ZNF789: variants seen among roughly 807,000 people sequenced by gnomAD.
ZNF789 encodes the protein zinc finger protein 789.
Under a neutral mutation model 15.6 loss-of-function variants are expected in ZNF789, and 11 were observed. The ratio of observed to expected loss-of-function variants is 0.70; its 90% CI spans 0.44 to 1.16. The LOEUF (loss-of-function observed/expected upper bound fraction) is 1.16. Among genes scored for constraint, ZNF789 ranks in the 50% most tolerant of loss-of-function variants. The probability of loss-of-function intolerance (pLI) is 0.00; values close to 1 mark genes in which losing one functional copy is unlikely to be tolerated. For synonymous variants in ZNF789, 159 were observed against 176.0 expected (o/e 0.90, Z 0.76); for missense variants, 461 against 512.6 (o/e 0.90, Z 0.97).
Position 99,487,232 on chromosome 7 carries a change from A to G in ZNF789, c.1022A>G (p.His341Arg), listed in dbSNP as rs1053048118. 5 of 1,614,136 alleles carry G rather than the reference A, an allele frequency of 3.1e-6. No homozygotes were observed. Among genetic ancestry groups the G allele is most frequent in the African/African-American group, 1.3e-5 (1 of 74,940 alleles). ...HQQIHSKPNTHKCSECGQSFG... is the reference protein window; with the variant it reads ...HQQIHSKPNTRKCSECGQSFG... ...CAGATTCACAGTAAACCGAACACCC[A>G]TAAATGCAGTGAATGTGGACAGTCC... is the stretch of plus-strand genomic sequence containing the variant. The change falls in exon 5 of 5, where the codon CAT (histidine) becomes CGT (arginine). Residue 341 changes from histidine to arginine, a missense_variant. By Grantham distance (29) the His-to-Arg change is conservative. Transcript: ENST00000331410.
Position 99,487,522 on chromosome 7 carries a change from A to G in ZNF789, c.*34A>G. 1.3e-6 allele frequency: 2 copies of G among 1,579,570 alleles called. No individual in the cohort carries two copies. The highest frequency in any genetic ancestry group is 1.2e-5 in the South Asian group (1 of 85,826). On this transcript the variant is annotated 3_prime_UTR_variant, in exon 5 of 5. Transcript: ENST00000331410. ...GGAAAGCAGTCATTGGAGAACTAGA[A>G]CTTATAAACCTCTACTTCAAGTGTG...
chr7:99,474,023 A>T (rs1799165197), intron 1 of ZNF789, among the ~76,000 whole-genome samples: 1 of 152,192 alleles, frequency 6.6e-6, no homozygotes, highest in African/African-American at 2.4e-5. Flanking sequence ...TCAAGGGAGA[A>T]ATCAATGTAT....
intron 1 of ZNF789, among the ~76,000 whole-genome samples, chr7:99,474,324 G>T (rs1799184606): frequency 6.6e-6 from 1 of 152,214 alleles, no homozygotes; most frequent in South Asian, 2.1e-4. Flanking sequence ...GCCGGGCGCG[G>T]TGGCTCACGC....
rs748857202 is a variant in ZNF789 at position 99,486,682 on chromosome 7, C to T, written c.472C>T (p.Leu158Phe). ...DEYSRGFLQN[L>F]NLIQDQNAQT... ...ATACAGCAGGGGCTTCCTTCAAAAC[C>T]TTAACCTTATTCAAGATCAGAATGC... The change falls in exon 5 of 5, where the codon CTT (leucine) becomes TTT (phenylalanine). Residue 158 changes from leucine to phenylalanine, a missense_variant. Physicochemically the swap from Leu to Phe is conservative, Grantham distance 22 (BLOSUM62 0). Coordinates refer to ENST00000331410, the MANE Select transcript of ZNF789 (RefSeq NM_213603.3). 46 of 1,614,054 alleles carry T rather than the reference C, an allele frequency of 2.8e-5. No individual in the cohort carries two copies. The highest frequency in any genetic ancestry group is 3.8e-5 in the Non-Finnish European group (45 of 1,180,056).
At chr7:99,485,206 A>C (rs2151071227) in intron 4 of ZNF789, 1 of 1,535,972 alleles carries the variant, frequency 6.5e-7, no homozygotes, top group Non-Finnish European at 8.7e-7. Context: ...GTCCCGATGC[A>C]GCTGCTCCTG....
chr7:99,476,380 TACTG>T lies in ZNF789; in HGVS notation c.-54-19_-54-16del. 7 of 1,567,826 alleles carry T rather than the reference TACTG, an allele frequency of 4.5e-6. No individual in the cohort carries two copies. Among genetic ancestry groups the T allele is most frequent in the Non-Finnish European group, 6.1e-6 (7 of 1,153,432 alleles). On this transcript the variant is annotated intron_variant, in intron 1 of 4. Coordinates refer to ENST00000331410, the MANE Select transcript of ZNF789 (RefSeq NM_213603.3). ...GAGAGCTTCAAATTAGGGCTGGCCTTACTGACTTTTTTTCTTCTCCAGCTCAGCC... is the reference window on the plus strand; with the variant it reads ...GAGAGCTTCAAATTAGGGCTGGCCTTACTTTTTTTCTTCTCCAGCTCAGCC...
At chr7:99,478,276 G>A in intron 2 of ZNF789, 2 of 1,289,208 alleles carry the variant, frequency 1.6e-6, no homozygotes, top group Non-Finnish European at 2.0e-6. Context: ...TTGTGCAGGT[G>A]CGGGAATGCA....
At chr7:99,476,238 A>G in intron 1 of ZNF789, 165 bp from the exon 2 acceptor site, 1 of 546,230 alleles carries the variant, frequency 1.8e-6, no homozygotes, top group Non-Finnish European at 3.2e-6. Flanking sequence ...AAATTACTAG[A>G]CTTATTGTAG....
At chr7:99,485,586 C>T (rs140183959) in intron 4 of ZNF789, among the ~76,000 whole-genome samples, 7 of 152,312 alleles carry the variant, frequency 4.6e-5, no homozygotes, top group Non-Finnish European at 7.4e-5. Flanking sequence ...AATCCCAACA[C>T]TTTTGGAGGC....
At chr7:99,479,347 T>G in intron 2 of ZNF789, 6 of 236,080 alleles carry the variant, frequency 2.5e-5, no homozygotes, top group Middle Eastern at 1.4e-3. Context: ...GTTCCTCAGA[T>G]TGTTGATTTG....
At chr7:99,473,680 G>C (rs1799145112) in intron 1 of ZNF789, among the ~76,000 whole-genome samples, 1 of 152,180 alleles carries the variant, frequency 6.6e-6, no homozygotes. Context: ...GAGTACAATG[G>C]GCCAATCTCG....
Position 99,487,548 on chromosome 7 carries a change from T to C in ZNF789, c.*60T>C. ...CTTATAAACCTCTACTTCAAGTGTGTATCACGTAATTGTTTCCATGAAAAG... is the reference window on the plus strand; with the variant it reads ...CTTATAAACCTCTACTTCAAGTGTGCATCACGTAATTGTTTCCATGAAAAG... On this transcript the variant is annotated 3_prime_UTR_variant, in exon 5 of 5. Coordinates refer to ENST00000331410, the MANE Select transcript of ZNF789 (RefSeq NM_213603.3). 1 of 1,524,774 alleles carries C rather than the reference T, an allele frequency of 6.6e-7. No homozygotes were observed. Among genetic ancestry groups the C allele is most frequent in the Non-Finnish European group, 8.8e-7 (1 of 1,133,266 alleles). The allele number at this position is 1,524,774 out of a possible 1,614,324, so 94.5% of individuals were successfully genotyped here. A position where few individuals can be genotyped will look rare whatever the true frequency, so the allele number is the denominator to read the frequency against.
chr7:99,487,262 G>A lies in ZNF789; in HGVS notation c.1052G>A (p.Gly351Asp). The change falls in exon 5 of 5, where the codon GGT becomes GAT. Residue 351 changes from glycine (G) to aspartate (D), a missense_variant. By Grantham distance (94) the Gly-to-Asp change is moderately conservative (BLOSUM62 -1). Coordinates refer to ENST00000331410, the MANE Select transcript of ZNF789 (RefSeq NM_213603.3). ...HKCSECGQSF[G>D]RNVDLIQHQR... Reference sequence around the variant, plus strand: ...TGCAGTGAATGTGGACAGTCCTTTGGTAGGAATGTGGATCTCATTCAGCAT... The same window carrying A: ...TGCAGTGAATGTGGACAGTCCTTTGATAGGAATGTGGATCTCATTCAGCAT... The A allele has an allele frequency of 6.2e-7, 1 of 1,614,168 alleles. No homozygotes were observed. Among genetic ancestry groups the A allele is most frequent in the Non-Finnish European group, 8.5e-7 (1 of 1,180,016 alleles).
At position 99,474,369 on chromosome 7, in the gene ZNF789, A is replaced by C. The variant is rs558001148; in HGVS notation, c.-55+1313A>C. Among the ~76,000 whole-genome samples the C allele has an allele frequency of 3.9e-5, 6 of 152,144 alleles. No homozygotes were observed. In the East Asian group the frequency reaches 5.8e-4, roughly 15 times the overall value. On this transcript the variant is annotated intron_variant, in intron 1 of 4. Transcript: ENST00000331410. ...CAGCACTTTGGGAGGCCAAGGCGGG[A>C]GGATCACGAGGTCAGGAGATCAAGA...
At chr7:99,473,775 C>G (rs1273228046) in intron 1 of ZNF789, among the ~76,000 whole-genome samples, 5 of 152,194 alleles carry the variant, frequency 3.3e-5, no homozygotes, top group African/African-American at 1.2e-4. Flanking sequence ...CACGCGCCAC[C>G]ATGCCCGGCT....
At chr7:99,474,265 TA>T (rs199550299) in intron 1 of ZNF789, among the ~76,000 whole-genome samples, 6 of 151,378 alleles carry the variant, frequency 4.0e-5, no homozygotes, top group African/African-American at 7.3e-5. Context: ...GCTCATGAGC[TA>T]AAAAAAAATC....
intron 1 of ZNF789, among the ~76,000 whole-genome samples, chr7:99,475,939 G>A (rs1396769530): frequency 1.3e-5 from 2 of 151,992 alleles, no homozygotes; most frequent in African/African-American, 4.8e-5. Flanking sequence ...CAAGTAGCTG[G>A]GAGTACAGGT....
At chr7:99,476,770 G>A (rs938092462) in intron 2 of ZNF789, among the ~76,000 whole-genome samples, 1 of 152,158 alleles carries the variant, frequency 6.6e-6, no homozygotes, top group African/African-American at 2.4e-5. Context: ...TACTCGTTTA[G>A]CACTGTGTTA....
chr7:99,482,383 A>G, intron 3 of ZNF789: 1 of 634,668 alleles, frequency 1.6e-6, no homozygotes, highest in Non-Finnish European at 2.9e-6. Context: ...TGTGTTGTGC[A>G]CCTGCGTTTT....
Sources: allele counts gnomAD v4.1 joint callset (sites outside exome capture counted in the v4.1 genomes callset), GRCh38; gene constraint gnomAD v4.1.1; transcripts MANE v1.5; gene names NCBI Gene and HGNC (gene_info 2026-07-23, HGNC 2026-07-21).